Variants in SNTG2 observed in about 807,000 individuals in gnomAD.
SNTG2 encodes syntrophin gamma 2.
SNTG2 carries 74 observed loss-of-function variants against 70.9 expected under a neutral mutation model. The ratio of observed to expected loss-of-function variants is 1.04; its 90% CI spans 0.86 to 1.27. The LOEUF is 1.27. SNTG2 is among the 50% of genes most tolerant of loss of function. The probability of loss-of-function intolerance (pLI) is 0.00; values close to 1 mark genes in which losing one functional copy is unlikely to be tolerated. For missense variants in SNTG2, 717 were observed against 690.7 expected (o/e 1.04, Z -0.43); for synonymous variants, 278 against 273.8 (o/e 1.02, Z -0.15).
chr2:1,222,413 G>A (rs1469578000), intron 9 of SNTG2, among the ~76,000 whole-genome samples: 1 of 152,272 alleles, frequency 6.6e-6, no homozygotes, highest in Non-Finnish European at 1.5e-5. Context: ...AGATTTCATA[G>A]GCTATCAGAG....
At chr2:1,118,108 C>G (rs988700717) in intron 4 of SNTG2, among the ~76,000 whole-genome samples, 1 of 152,096 alleles carries the variant, frequency 6.6e-6, no homozygotes, top group African/African-American at 2.4e-5. Context: ...CTGAAGCCAC[C>G]TGAGCCCCAG....
chr2:1,031,748 C>G (rs2148035871), intron 1 of SNTG2, among the ~76,000 whole-genome samples: 1 of 151,710 alleles, frequency 6.6e-6, no homozygotes, highest in South Asian at 2.1e-4. Context: ...TGCTACAACA[C>G]AGATGAAACT....
intron 16 of SNTG2, among the ~76,000 whole-genome samples, chr2:1,339,941 G>T (rs898321500): frequency 6.6e-6 from 1 of 152,152 alleles, no homozygotes; most frequent in African/African-American, 2.4e-5. Flanking sequence ...TTAAGGCCTC[G>T]CACCGTCCGC....
At chr2:970,763 T>C (rs1381612316) in intron 1 of SNTG2, among the ~76,000 whole-genome samples, 1 of 151,502 alleles carries the variant, frequency 6.6e-6, no homozygotes, top group African/African-American at 2.4e-5. Flanking sequence ...GCATGATTTA[T>C]AGTCCTTTGG....
intron 1 of SNTG2, among the ~76,000 whole-genome samples, chr2:1,048,436 A>G (rs1195815427): frequency 2.6e-5 from 4 of 152,098 alleles, no homozygotes; most frequent in Non-Finnish European, 4.4e-5. Flanking sequence ...CTCTCCATAT[A>G]TAGATAGATA....
chr2:1,317,305 C>G (rs1283149126), intron 16 of SNTG2, among the ~76,000 whole-genome samples: 1 of 93,882 alleles, frequency 1.1e-5, no homozygotes. Flanking sequence ...GATTCTGGAG[C>G]ATTTAGCATC....
chr2:1,077,527 A>G (rs561915509), intron 1 of SNTG2, among the ~76,000 whole-genome samples: 9 of 152,134 alleles, frequency 5.9e-5, no homozygotes, highest in African/African-American at 1.7e-4. Flanking sequence ...GTGTTTCCTC[A>G]TGTGAGGCTC....
At chr2:959,617 T>C (rs1660285836) in intron 1 of SNTG2, among the ~76,000 whole-genome samples, 1 of 151,232 alleles carries the variant, frequency 6.6e-6, no homozygotes, top group South Asian at 2.1e-4. Flanking sequence ...GGCCTTTGCT[T>C]TACTGGCCTT....
chr2:1,366,505 G>A (rs1661492543), intron 16 of SNTG2, among the ~76,000 whole-genome samples: 1 of 152,204 alleles, frequency 6.6e-6, no homozygotes, highest in African/African-American at 2.4e-5. Context: ...GACATTTAGT[G>A]TCTGTAACAT....
At chr2:1,153,822 A>G (rs4578893) in intron 6 of SNTG2, among the ~76,000 whole-genome samples, 7,633 of 152,284 alleles carry the variant, frequency 0.05, 270 homozygotes, top group South Asian at 0.18. Flanking sequence ...CCTAACTTCG[A>G]ACAAAAATCA....
rs1387285420 is a variant in SNTG2 at position 1,259,430 on chromosome 2, A to G, written c.1066A>G (p.Lys356Glu). 4.3e-6 allele frequency: 7 copies of G among 1,613,848 alleles called. No homozygotes were observed. Among genetic ancestry groups the G allele is most frequent in the African/African-American group, 1.3e-5 (1 of 75,064 alleles). Residue 356 changes from lysine (K) to glutamate (E), a missense_variant, in exon 13 of 17, where the codon AAA becomes GAA. Coordinates refer to ENST00000308624, the MANE Select transcript of SNTG2 (RefSeq NM_018968.4). ...RTYHLCEVLF[K>E]VHKFWLTEDC... ...CTATCACCTCTGTGAGGTGCTATTT[A>G]AAGTTCACAAGGTAGGTATCTTTTG...
chr2:1,137,839 G>T (rs756117682), intron 6 of SNTG2, 30 bp downstream of exon 6: 7 of 1,566,002 alleles, frequency 4.5e-6, no homozygotes, highest in Non-Finnish European at 6.2e-6. Flanking sequence ...TAGTTATTCT[G>T]TTTATTATTC....
chr2:1,175,588 C>G (rs1312125637), intron 8 of SNTG2, among the ~76,000 whole-genome samples: 1 of 152,152 alleles, frequency 6.6e-6, no homozygotes, highest in Non-Finnish European at 1.5e-5. Flanking sequence ...TAATGCTGCT[C>G]CATTTCTTTC....
At chr2:1,233,739 A>G (rs1350084280) in intron 9 of SNTG2, among the ~76,000 whole-genome samples, 1 of 152,242 alleles carries the variant, frequency 6.6e-6, no homozygotes, top group Non-Finnish European at 1.5e-5. Context: ...TTCACTTTCT[A>G]GAGTATAAGT....
At chr2:1,138,770 T>C (rs921055873) in intron 6 of SNTG2, among the ~76,000 whole-genome samples, 1 of 152,184 alleles carries the variant, frequency 6.6e-6, no homozygotes, top group African/African-American at 2.4e-5. Context: ...CGAAGATTAA[T>C]AGGCATGCAC....
At chr2:1,297,238 G>A (rs1461397252) in intron 14 of SNTG2, among the ~76,000 whole-genome samples, 1 of 152,214 alleles carries the variant, frequency 6.6e-6, no homozygotes, top group Non-Finnish European at 1.5e-5. Flanking sequence ...CTGTCTTCAT[G>A]CAGAATCCAT....
At chr2:1,169,145 G>GA (rs1670954499) in intron 7 of SNTG2, among the ~76,000 whole-genome samples, 1 of 152,184 alleles carries the variant, frequency 6.6e-6, no homozygotes, top group Non-Finnish European at 1.5e-5. Context: ...CAGCAGCTGT[G>GA]ACCATACAGG....
intron 1 of SNTG2, among the ~76,000 whole-genome samples, chr2:977,108 C>T (rs976916408): frequency 5.9e-5 from 9 of 152,274 alleles, no homozygotes; most frequent in Non-Finnish European, 8.8e-5. Flanking sequence ...TCCAGGAAGC[C>T]GCAGGTTCTT....
chr2:1,057,883 T>TA (rs1187736496), intron 1 of SNTG2, among the ~76,000 whole-genome samples: 3 of 151,910 alleles, frequency 2.0e-5, no homozygotes, highest in African/African-American at 7.3e-5. Flanking sequence ...ACAAAAGATT[T>TA]AAAAAAAATT....
Sources: allele counts gnomAD v4.1 joint callset (sites outside exome capture counted in the v4.1 genomes callset), GRCh38; gene constraint gnomAD v4.1.1; transcripts MANE v1.5; gene names NCBI Gene and HGNC (gene_info 2026-07-23, HGNC 2026-07-21).